Variants in CFAP299 observed in about 807,000 individuals in gnomAD.
CFAP299 encodes the protein cilia- and flagella-associated protein 299.
A neutral mutation model predicts 27.0 loss-of-function variants in CFAP299; 21 were observed. The ratio of observed to expected loss-of-function variants is 0.78; its 90% CI spans 0.55 to 1.12. The LOEUF is 1.12. CFAP299 is among the 50% of genes most tolerant of loss of function. CFAP299 has a pLI of 0.00. For synonymous variants in CFAP299, 104 were observed against 98.1 expected, an observed-to-expected ratio of 1.06 and a Z score of -0.36; for missense variants, 310 against 276.6, an observed-to-expected ratio of 1.12 and a Z score of -0.86.
chr4:80,836,841 A>C (rs889937730), intron 3 of CFAP299, among the ~76,000 whole-genome samples: 2 of 152,138 alleles, frequency 1.3e-5, no homozygotes, highest in Non-Finnish European at 2.9e-5. Context: ...TTAGAAAACA[A>C]ACGACTTTTT....
chr4:80,390,606 CACACATATGTATATATGTATATATGTAT>C (rs1725314025), intron 2 of CFAP299, among the ~76,000 whole-genome samples: 2 of 132,668 alleles, frequency 1.5e-5, no homozygotes, highest in African/African-American at 6.0e-5. Context: ...TATATGTATA[CACACATATGTATATATGTATATATGTAT>C]ACACATATAT....
chr4:80,644,178 C>T (rs1430126487), intron 3 of CFAP299, among the ~76,000 whole-genome samples: 1 of 152,056 alleles, frequency 6.6e-6, no homozygotes, highest in Non-Finnish European at 1.5e-5. Context: ...TTATTGTGAT[C>T]CCTGGTTTTT....
chr4:80,773,810 A>C (rs74512407), intron 3 of CFAP299, among the ~76,000 whole-genome samples: 5 of 152,014 alleles, frequency 3.3e-5, no homozygotes, highest in South Asian at 2.1e-4. Context: ...GTAATTTCTT[A>C]GGTCAAAAGT....
chr4:80,860,440 A>G (rs1298056837), intron 3 of CFAP299, among the ~76,000 whole-genome samples: 2 of 151,968 alleles, frequency 1.3e-5, no homozygotes, highest in African/African-American at 4.8e-5. Flanking sequence ...GCTTTGTTCC[A>G]TTGCTGGTGA....
the CFAP299 span, among the ~76,000 whole-genome samples, chr4:80,328,102 T>A: frequency 2.6e-5 from 4 of 152,090 alleles, no homozygotes; most frequent in African/African-American, 9.6e-5. Context: ...AGTCAAGTGG[T>A]GGCCGAAAAT....
chr4:80,579,365 A>G (rs1314794530), intron 2 of CFAP299, among the ~76,000 whole-genome samples: 1 of 152,220 alleles, frequency 6.6e-6, no homozygotes, highest in Non-Finnish European at 1.5e-5. Flanking sequence ...CAAAGAGACT[A>G]AGAAATGTGG....
At chr4:80,806,797 T>C (rs1728887674) in intron 3 of CFAP299, among the ~76,000 whole-genome samples, 1 of 152,206 alleles carries the variant, frequency 6.6e-6, no homozygotes, top group Non-Finnish European at 1.5e-5. Context: ...CAGTATCTGT[T>C]TATTCACAGC....
At chr4:80,432,828 C>G (rs1418430883) in intron 2 of CFAP299, among the ~76,000 whole-genome samples, 3 of 152,080 alleles carry the variant, frequency 2.0e-5, no homozygotes, top group Admixed American at 6.5e-5. Flanking sequence ...GGCCTACACT[C>G]TATTTTTTAT....
chr4:80,447,386 C>T (rs1578454489), intron 2 of CFAP299, among the ~76,000 whole-genome samples: 3 of 151,474 alleles, frequency 2.0e-5, no homozygotes, highest in East Asian at 2.0e-4. Context: ...CCGCCCGCCT[C>T]GGCCTCCCAA....
intron 3 of CFAP299, among the ~76,000 whole-genome samples, chr4:80,735,509 G>A (rs550578109): frequency 1.6e-4 from 25 of 152,090 alleles, no homozygotes; most frequent in South Asian, 6.2e-4. Flanking sequence ...CATCCTTGTC[G>A]TGTTCCATTT....
chr4:80,885,338 G>T (rs1023992123), intron 4 of CFAP299, among the ~76,000 whole-genome samples: 6 of 152,150 alleles, frequency 3.9e-5, no homozygotes. Flanking sequence ...GCTAGATTAG[G>T]CTTAGAGCCA....
intron 3 of CFAP299, among the ~76,000 whole-genome samples, chr4:80,592,010 T>C (rs1489809431): frequency 6.6e-6 from 1 of 152,242 alleles, no homozygotes; most frequent in African/African-American, 2.4e-5. Flanking sequence ...AGTCTATGGA[T>C]TCACACTCTG....
At chr4:80,390,055 T>A (rs1725241319) in intron 2 of CFAP299, among the ~76,000 whole-genome samples, 1 of 152,164 alleles carries the variant, frequency 6.6e-6, no homozygotes, top group Admixed American at 6.5e-5. Context: ...TGTTTTGAAA[T>A]ACATATACAT....
At chr4:80,570,494 A>C (rs1339914717) in intron 2 of CFAP299, among the ~76,000 whole-genome samples, 3 of 152,098 alleles carry the variant, frequency 2.0e-5, no homozygotes, top group Non-Finnish European at 2.9e-5. Flanking sequence ...GAGGAAATTA[A>C]TATGACAAAA....
chr4:80,591,198 A>G (rs1578643672), intron 3 of CFAP299, among the ~76,000 whole-genome samples: 1 of 136,356 alleles, frequency 7.3e-6, no homozygotes. Context: ...ATCTAGGCTC[A>G]CTGCAAGCTC....
rs539278432 is a variant in CFAP299 at position 80,483,191 on chromosome 4, T to A, written c.243-99902T>A. ...AAGGATTTGACCTGCCATTGCTGGCTTTGAGGGCTGAAGGGAGCCACATGC... is the reference window on the plus strand; with the variant it reads ...AAGGATTTGACCTGCCATTGCTGGCATTGAGGGCTGAAGGGAGCCACATGC... On this transcript the variant is annotated intron_variant, in intron 2 of 5. Coordinates refer to ENST00000358105, the MANE Select transcript of CFAP299 (RefSeq NM_152770.3). Among the ~76,000 whole-genome samples the A allele has an allele frequency of 5.3e-5, 8 of 152,342 alleles. No homozygotes were observed. The South Asian group carries it at 1.7e-3, about 32-fold the overall frequency.
At position 80,335,819 on chromosome 4, in the gene CFAP299, C is replaced by T. The variant is rs774070900; in HGVS notation, c.51C>T (p.Phe17=). Residue 17 remains phenylalanine (F), a synonymous_variant, in exon 1 of 6, where the codon TTC becomes TTT. Coordinates refer to ENST00000358105, the MANE Select transcript of CFAP299 (RefSeq NM_152770.3). ...LKALDNIVTQ[F]NAYEDFLDSQ... is the part of the protein sequence containing the mutation. ...CCTTGGACAATATTGTCACTCAATT[C>T]AACGCCTATGAAGATTTCCTGGACT... 1.9e-6 allele frequency: 3 copies of T among 1,613,950 alleles called. No homozygotes were observed. The South Asian group carries it at 3.3e-5, about 18-fold the overall frequency.
intron 2 of CFAP299, among the ~76,000 whole-genome samples, chr4:80,430,055 A>G (rs1360911703): frequency 6.6e-6 from 1 of 152,150 alleles, no homozygotes; most frequent in Non-Finnish European, 1.5e-5. Flanking sequence ...TTTAAATCTA[A>G]TAAGCATTTT....
intron 2 of CFAP299, chr4:80,386,124 C>T: frequency 2.0e-6 from 1 of 494,012 alleles, no homozygotes; most frequent in Non-Finnish European, 3.5e-6. Context: ...CCCAGGGAGC[C>T]TGGACCCAAA....
Sources: gnomAD v4.1 joint callset for allele counts (sites outside exome capture counted in the v4.1 genomes callset) on GRCh38, gnomAD v4.1.1 for gene constraint, MANE v1.5 for transcripts, NCBI Gene and HGNC (gene_info 2026-07-23, HGNC 2026-07-21) for gene names.